The following KDM4B variants were observed in gnomAD, a reference collection of about 807,000 sequenced individuals.
KDM4B encodes lysine demethylase 4B, also known as lysine-specific demethylase 4B.
KDM4B carries 32 observed loss-of-function variants against 125.2 expected under a neutral mutation model. That is an observed-to-expected ratio of 0.26 (90% CI 0.19 to 0.34). The LOEUF is 0.34. Among genes scored for constraint, KDM4B ranks in the 10% least tolerant of loss-of-function variants. KDM4B has a pLI of 1.00. For synonymous variants in KDM4B, 721 were observed against 677.9 expected (o/e 1.06, Z -0.99); for missense variants, 1,190 against 1,577.7 (o/e 0.75, Z 4.16).
Position 5,141,372 on chromosome 19 carries a change from G to C in KDM4B, c.2551-2595G>C, listed in dbSNP as rs2146092592. The stretch of plus-strand genomic sequence containing the variant: ...CGTAAAAGGCCTCATGATTCAGGTG[G>C]AGTGATGGTGCGATGCGTGGTGCAG... On this transcript the variant is annotated intron_variant, in intron 18 of 22. Coordinates refer to ENST00000159111, the MANE Select transcript of KDM4B (RefSeq NM_015015.3). The surrounding 1 kb of genome is among the most constrained non-coding windows in gnomAD (Gnocchi z 6.4). 6.6e-6 allele frequency: 1 copy of C among 152,348 alleles called. No homozygotes were observed. The highest frequency in any genetic ancestry group is 3.4e-3 in the Middle Eastern group (1 of 294). 9.4% of individuals were successfully genotyped at this position (152,348 alleles called of 1,614,324 possible).
Position 5,134,072 on chromosome 19 carries a change from G to A in KDM4B, c.2085+11G>A, listed in dbSNP as rs1310432803. 4 of 1,575,884 alleles carry A rather than the reference G, an allele frequency of 2.5e-6. No individual in the cohort carries two copies. Among genetic ancestry groups the A allele is most frequent in the East Asian group, 2.3e-5 (1 of 44,110 alleles). On this transcript the variant is annotated intron_variant, in intron 14 of 22. Transcript: ENST00000159111. ...TACCCCTACTGCCAGGTGGGCAGGC[G>A]GGCCTCACGGGTCCCAGAGAACCCC...
At chr19:5,093,789 G>A (rs1287491180) in intron 9 of KDM4B, among the ~76,000 whole-genome samples, 1 of 152,208 alleles carries the variant, frequency 6.6e-6, no homozygotes, top group African/African-American at 2.4e-5. Context: ...TTCAGCTGCT[G>A]GGAAGGCAGT....
chr19:5,103,556 C>A (rs73546209), intron 9 of KDM4B, among the ~76,000 whole-genome samples: 14,138 of 152,224 alleles, frequency 0.093, 703 homozygotes, highest in Middle Eastern at 0.12. Context: ...CACCAGCTGA[C>A]GGGCCAGCCA....
intron 1 of KDM4B, among the ~76,000 whole-genome samples, chr19:4,983,741 C>T (rs577098920): frequency 2.0e-5 from 3 of 152,270 alleles, no homozygotes; most frequent in Admixed American, 6.5e-5. Context: ...GGATCAGCAC[C>T]GCCCAGGAAT....
chr19:5,077,342 C>T (rs1475699314), intron 7 of KDM4B, 25 bp from the exon 8 acceptor site: 6 of 1,604,448 alleles, frequency 3.7e-6, no homozygotes, highest in Non-Finnish European at 5.1e-6. Context: ...GCCCAGGAGA[C>T]TGACGTCTGT....
At position 5,119,302 on chromosome 19, in the gene KDM4B, T is replaced by G. The variant is rs967840844; in HGVS notation, c.1116-351T>G. ...CCTCGGAGCTCACACTCCCTGTGTC[T>G]CTGTCCCGTGGCACACGCGGCTCCT... On this transcript the variant is annotated intron_variant, in intron 10 of 22. Coordinates refer to ENST00000159111, the MANE Select transcript of KDM4B (RefSeq NM_015015.3). 3.0e-6 allele frequency: 3 copies of G among 991,922 alleles called. No homozygotes were observed. In the African/African-American group the frequency reaches 4.9e-5, roughly 16 times the overall value. The allele number at this position is 991,922 out of a possible 1,614,324, so 61.4% of individuals were successfully genotyped here. A position where few individuals can be genotyped will look rare whatever the true frequency, so the allele number is the denominator to read the frequency against.
At chr19:5,040,130 C>G (rs1022167278) in intron 4 of KDM4B, 119 bp downstream of exon 4, 1 of 1,130,040 alleles carries the variant, frequency 8.8e-7, no homozygotes, top group Non-Finnish European at 1.2e-6. Flanking sequence ...CCGGCCTGCT[C>G]TGTGTGCCCC....
intron 2 of KDM4B, among the ~76,000 whole-genome samples, chr19:5,026,107 G>A (rs1426352778): frequency 1.3e-5 from 2 of 151,274 alleles, no homozygotes; most frequent in Non-Finnish European, 2.9e-5. Context: ...CTTGAGCCCC[G>A]AATAAAGAAG....
At chr19:5,135,299 C>T in intron 14 of KDM4B, 40 bp from the exon 15 acceptor site, 2 of 1,462,510 alleles carry the variant, frequency 1.4e-6, no homozygotes, top group African/African-American at 1.4e-5. Flanking sequence ...GCCTGCCCCA[C>T]ACATGGCTCT....
intron 1 of KDM4B, among the ~76,000 whole-genome samples, chr19:5,011,298 G>A (rs1375361485): frequency 6.6e-6 from 1 of 152,198 alleles, no homozygotes; most frequent in Admixed American, 6.5e-5. Context: ...TTGCTTCTAG[G>A]TTTTCTCTGC....
chr19:5,105,831 G>A (rs1039055211), intron 9 of KDM4B, among the ~76,000 whole-genome samples: 2 of 152,174 alleles, frequency 1.3e-5, no homozygotes, highest in Non-Finnish European at 2.9e-5. Flanking sequence ...CCCTTGTAGC[G>A]TGAACACAGC....
Position 5,119,549 on chromosome 19 carries a change from C to G in KDM4B, c.1116-104C>G, listed in dbSNP as rs558786973. On this transcript the variant is annotated intron_variant, in intron 10 of 22. Coordinates refer to ENST00000159111, the MANE Select transcript of KDM4B (RefSeq NM_015015.3). ...GGAGGCCCCCTGCTCATGGAGCGCT[C>G]TTCTGGGGGTGGGCGGGGGCTGCGT... 3 of 1,158,726 alleles carry G rather than the reference C, an allele frequency of 2.6e-6. No individual in the cohort carries two copies. The South Asian group carries it at 4.0e-5, about 15-fold the overall frequency. The allele number at this position is 1,158,726 out of a possible 1,614,324, so 71.8% of individuals were successfully genotyped here. A position where few individuals can be genotyped will look rare whatever the true frequency, so the allele number is the denominator to read the frequency against.
chr19:4,984,265 T>TC (rs1218026252), intron 1 of KDM4B, among the ~76,000 whole-genome samples: 1 of 152,206 alleles, frequency 6.6e-6, no homozygotes, highest in Non-Finnish European at 1.5e-5. Flanking sequence ...TGGGCTTGTT[T>TC]CTGCTCTTGA....
chr19:5,100,575 G>A (rs2038911086), intron 9 of KDM4B, among the ~76,000 whole-genome samples: 1 of 152,066 alleles, frequency 6.6e-6, no homozygotes. Context: ...CTACAGGTGT[G>A]TGCCACCACA....
chr19:5,090,060 G>A (rs1361022786), intron 9 of KDM4B, among the ~76,000 whole-genome samples: 1 of 152,132 alleles, frequency 6.6e-6, no homozygotes, highest in Non-Finnish European at 1.5e-5. Flanking sequence ...CCCAAAGCCT[G>A]GCCCCCTTCC....
At chr19:5,127,175 C>G (rs1490491739) in intron 11 of KDM4B, among the ~76,000 whole-genome samples, 1 of 152,206 alleles carries the variant, frequency 6.6e-6, no homozygotes, top group Admixed American at 6.5e-5. Flanking sequence ...TGGGCCCCAT[C>G]TGTACCATGG....
chr19:5,064,910 C>T (rs971257210), intron 6 of KDM4B, among the ~76,000 whole-genome samples: 1 of 152,242 alleles, frequency 6.6e-6, no homozygotes, highest in Non-Finnish European at 1.5e-5. Flanking sequence ...GGTTTTCTGC[C>T]TGGTCTGAGA....
In KDM4B at chr19:5,153,216, GGGTGTCAGCCAAAACGTGGA is replaced by G. The variant is rs1397057994; in HGVS notation, c.*1712_*1731del. The G allele has an allele frequency of 6.6e-6, 1 of 152,220 alleles. No homozygotes were observed. The highest frequency in any genetic ancestry group is 2.4e-5 in the African/African-American group (1 of 41,446). The allele number at this position is 152,220 out of a possible 1,614,324, so 9.4% of individuals were successfully genotyped here. On this transcript the variant is annotated 3_prime_UTR_variant, in exon 23 of 23. Transcript: ENST00000159111. ...GAGGGCCGGGGTCGGGGAGGTTGGGGGGTGTCAGCCAAAACGTGGAGGTGTCCCTCTGCACGCAGCCCTCG... is the reference window on the plus strand; with the variant it reads ...GAGGGCCGGGGTCGGGGAGGTTGGGGGGTGTCCCTCTGCACGCAGCCCTCG...
At chr19:5,068,726 C>A (rs2037854873) in intron 6 of KDM4B, among the ~76,000 whole-genome samples, 1 of 152,250 alleles carries the variant, frequency 6.6e-6, no homozygotes, top group African/African-American at 2.4e-5. Context: ...GGCTGCCCGG[C>A]CTCTTGTCCA....
Sources: gnomAD v4.1 joint callset for allele counts (sites outside exome capture counted in the v4.1 genomes callset) on GRCh38, gnomAD v4.1.1 for gene constraint, Gnocchi (gnomAD v3.1) non-coding constraint, MANE v1.5 for transcripts, NCBI Gene and HGNC (gene_info 2026-07-23, HGNC 2026-07-21) for gene names.